Variants in HHAT observed in about 807,000 individuals in gnomAD.
HHAT encodes protein-cysteine N-palmitoyltransferase HHAT.
In HHAT, 47 loss-of-function variants were observed where a neutral mutation model predicts 70.8. The ratio of observed to expected loss-of-function variants is 0.66; its 90% confidence interval spans 0.53 to 0.85. The LOEUF is 0.85. Among genes scored for constraint, HHAT ranks in the 40% least tolerant of loss-of-function variants. The pLI is 0.00. For missense variants in HHAT, 609 were observed against 604.8 expected (o/e 1.01, Z -0.07); for synonymous variants, 228 against 247.6 (o/e 0.92, Z 0.74).
chr1:210,560,314 T>C (rs78369519), intron 9 of HHAT, among the ~76,000 whole-genome samples: 217 of 152,274 alleles, frequency 1.4e-3, no homozygotes, highest in African/African-American at 5.1e-3. Context: ...AAAGGTTTTT[T>C]TCCCCCACTT....
intron 11 of HHAT, among the ~76,000 whole-genome samples, chr1:210,629,497 C>T (rs1670449333): frequency 6.6e-6 from 1 of 152,234 alleles, no homozygotes; most frequent in Non-Finnish European, 1.5e-5. Context: ...CATTGGTTCC[C>T]TATGGCTACT....
chr1:210,603,993 C>T (rs1049377783), intron 10 of HHAT, among the ~76,000 whole-genome samples: 5 of 152,114 alleles, frequency 3.3e-5, no homozygotes, highest in Middle Eastern at 3.2e-3. Context: ...TGACTGTCTG[C>T]GGAAGGGTGG....
intron 3 of HHAT, among the ~76,000 whole-genome samples, chr1:210,370,163 C>CTTTT (rs200442278): frequency 1.1e-4 from 14 of 122,372 alleles, no homozygotes; most frequent in African/African-American, 4.1e-4. Flanking sequence ...TCTTCAATGA[C>CTTTT]TTTTTTTTTT....
intron 7 of HHAT, among the ~76,000 whole-genome samples, chr1:210,446,721 T>G (rs2093642383): frequency 6.6e-6 from 1 of 152,242 alleles, no homozygotes; most frequent in Non-Finnish European, 1.5e-5. Context: ...TGCTCTTGCC[T>G]TTCGTCATCA....
At chr1:210,541,967 C>T (rs1044145752) in intron 9 of HHAT, among the ~76,000 whole-genome samples, 5 of 152,154 alleles carry the variant, frequency 3.3e-5, no homozygotes, top group African/African-American at 1.2e-4. Flanking sequence ...GCGCTTATTC[C>T]AGGGAATGTC....
At chr1:210,328,278 G>A (rs2084696378), upstream of HHAT, 1 of 152,134 alleles carries the variant, frequency 6.6e-6, no homozygotes, top group Non-Finnish European at 1.5e-5. Context: ...GGAGGCCTCC[G>A]AGCAGCAACA....
chr1:210,631,535 T>C (rs1670871548), intron 11 of HHAT, among the ~76,000 whole-genome samples: 2 of 152,250 alleles, frequency 1.3e-5, no homozygotes, highest in African/African-American at 2.4e-5. Flanking sequence ...ATTAGATTGC[T>C]CCCACGCCCT....
At chr1:210,615,017 G>C (rs886922377) in intron 10 of HHAT, among the ~76,000 whole-genome samples, 2 of 151,978 alleles carry the variant, frequency 1.3e-5, no homozygotes, top group African/African-American at 2.4e-5. Context: ...AACTAGTTTA[G>C]AGTCCCACCA....
intron 11 of HHAT, among the ~76,000 whole-genome samples, chr1:210,662,587 G>A (rs988113992): frequency 1.3e-5 from 2 of 152,112 alleles, no homozygotes; most frequent in Admixed American, 6.5e-5. Flanking sequence ...CCTGATTTGG[G>A]GTATAGCAAC....
chr1:210,480,552 T>C (rs1410510591), intron 8 of HHAT, among the ~76,000 whole-genome samples: 2 of 152,274 alleles, frequency 1.3e-5, no homozygotes, highest in Non-Finnish European at 1.5e-5. Flanking sequence ...CCAGGGATTT[T>C]AGTTACTAAG....
intron 10 of HHAT, among the ~76,000 whole-genome samples, chr1:210,607,131 C>G (rs1038810476): frequency 2.6e-5 from 4 of 151,970 alleles, no homozygotes; most frequent in Non-Finnish European, 4.4e-5. Flanking sequence ...GTTACTCTTG[C>G]TATCTGTGCT....
At chr1:210,647,669 T>C (rs1674341776) in intron 11 of HHAT, among the ~76,000 whole-genome samples, 2 of 152,158 alleles carry the variant, frequency 1.3e-5, no homozygotes, top group African/African-American at 4.8e-5. Context: ...AGGGCATCTT[T>C]CTGGTTTTCA....
chr1:210,400,596 C>A lies in HHAT; in HGVS notation c.402C>A (p.Leu134=). 6.2e-7 allele frequency: 1 copy of A among 1,614,128 alleles called. No homozygotes were observed. Among genetic ancestry groups the A allele is most frequent in the South Asian group, 1.1e-5 (1 of 91,074 alleles). ...GCGTGGCCCAGTTCCGGTCTCAGCT[C>A]CTGACGTGGCTCTGTTCTCTCCTCC... The part of the protein sequence containing the change: ...SFCVAQFRSQ[L]LTWLCSLLLL... Residue 134 remains leucine, a synonymous_variant, in exon 5 of 12, where the codon CTC becomes CTA. Transcript: ENST00000261458.
chr1:210,384,912 T>C (rs1197195490), intron 3 of HHAT, among the ~76,000 whole-genome samples: 1 of 152,208 alleles, frequency 6.6e-6, no homozygotes, highest in African/African-American at 2.4e-5. Context: ...GCCCAGCTTT[T>C]CTGTTTGGTC....
intron 10 of HHAT, among the ~76,000 whole-genome samples, chr1:210,591,944 A>G (rs765752301): frequency 1.3e-5 from 2 of 152,106 alleles, no homozygotes; most frequent in South Asian, 4.1e-4. Context: ...ACCTTGTCAG[A>G]TGGACAGCTG....
At chr1:210,334,625 T>A (rs1214912512) in intron 1 of HHAT, among the ~76,000 whole-genome samples, 1 of 152,152 alleles carries the variant, frequency 6.6e-6, no homozygotes, top group East Asian at 1.9e-4. Context: ...TTGGAGAATA[T>A]TCCTGAAATA....
At chr1:210,355,329 T>G (rs1431194648) in intron 2 of HHAT, among the ~76,000 whole-genome samples, 1 of 152,212 alleles carries the variant, frequency 6.6e-6, no homozygotes, top group East Asian at 1.9e-4. Flanking sequence ...GTTAACCTGT[T>G]TTAATTCTGA....
At chr1:210,383,201 G>A (rs1164444218) in intron 3 of HHAT, among the ~76,000 whole-genome samples, 2 of 152,068 alleles carry the variant, frequency 1.3e-5, no homozygotes, top group Non-Finnish European at 2.9e-5. Context: ...TTAGCCAGGT[G>A]TGGTGGTATG....
intron 7 of HHAT, among the ~76,000 whole-genome samples, chr1:210,445,914 G>C (rs1339060314): frequency 6.6e-6 from 1 of 151,396 alleles, no homozygotes; most frequent in Non-Finnish European, 1.5e-5. Context: ...TAGGGTACAT[G>C]TGCACAACGT....
Sources: allele counts gnomAD v4.1 joint callset (sites outside exome capture counted in the v4.1 genomes callset), GRCh38; gene constraint gnomAD v4.1.1; transcripts MANE v1.5; gene names NCBI Gene and HGNC (gene_info 2026-07-23, HGNC 2026-07-21).